TSC2: variants seen among roughly 807,000 people sequenced by gnomAD.
The protein encoded by TSC2 is tuberin.
TSC2 carries 29 observed loss-of-function variants against 202.2 expected under a neutral mutation model. That is an observed-to-expected ratio of 0.14 (90% confidence interval 0.11 to 0.20). TSC2 has a LOEUF of 0.20. TSC2 is among the 10% of genes least tolerant of loss of function. TSC2 has a pLI of 1.00. For synonymous variants in TSC2, 1,349 were observed against 1,044.0 expected, an observed-to-expected ratio of 1.29 and a Z score of -5.63; for missense variants, 2,429 against 2,420.0, an observed-to-expected ratio of 1.00 and a Z score of -0.08.
intron 14 of TSC2, 47 bp downstream of exon 14, chr16:2,063,100 G>A (rs1349007011): frequency 7.8e-6 from 12 of 1,546,378 alleles, no homozygotes; most frequent in African/African-American, 1.4e-5. Context: ...CTATTTCTCC[G>A]TGGGCGGGCT....
chr16:2,073,362 C>G (rs921567787), intron 21 of TSC2, among the ~76,000 whole-genome samples: 37 of 152,358 alleles, frequency 2.4e-4, no homozygotes, highest in African/African-American at 8.4e-4. Context: ...TCCCTCCACG[C>G]CCCATCAGGT....
intron 9 of TSC2, among the ~76,000 whole-genome samples, chr16:2,057,781 G>T (rs1236286862): frequency 6.7e-6 from 1 of 149,682 alleles, no homozygotes; most frequent in African/African-American, 2.5e-5. Context: ...CCTCAGCCCT[G>T]CATCTCTCCC....
At chr16:2,059,095 T>G (rs553100621) in intron 10 of TSC2, among the ~76,000 whole-genome samples, 1 of 151,262 alleles carries the variant, frequency 6.6e-6, no homozygotes, top group African/African-American at 2.4e-5. Context: ...CTTGGCTGAC[T>G]GCAATCTCCG....
Position 2,086,189 on chromosome 16 carries a change from A to G in TSC2, c.4663-4A>G, listed in dbSNP as rs1596437939. On this transcript the variant is annotated splice_polypyrimidine_tract_variant and splice_region_variant and intron_variant, in intron 36 of 41. Transcript: ENST00000219476. ...GCCACCCTGCCTCTCCCCTCTCCCC[A>G]CAGAGCAACAGCGAGCTCGCCATCC... The G allele has an allele frequency of 6.2e-7, 1 of 1,611,754 alleles. No individual in the cohort carries two copies.
chr16:2,059,340 T>C (rs992271513), intron 10 of TSC2, among the ~76,000 whole-genome samples: 106 of 141,334 alleles, frequency 7.5e-4, no homozygotes, highest in East Asian at 2.9e-3. Flanking sequence ...CTCTCTCTCT[T>C]TTTTTTTTTT....
intron 14 of TSC2, 173 bp from the exon 15 acceptor site, chr16:2,064,099 G>A: frequency 9.6e-7 from 1 of 1,044,504 alleles, no homozygotes; most frequent in South Asian, 1.4e-5. Context: ...CCTGGAAGGG[G>A]CCCCGGGGTC....
At chr16:2,084,782 C>T in intron 34 of TSC2, 67 bp downstream of exon 34, 3 of 1,598,502 alleles carry the variant, frequency 1.9e-6, no homozygotes, top group East Asian at 2.2e-5. Context: ...CCTCACTTGC[C>T]CCAGGCCGAG....
chr16:2,055,039 C>T (rs898031505), intron 5 of TSC2: 9 of 389,014 alleles, frequency 2.3e-5, no homozygotes, highest in African/African-American at 8.3e-5. Flanking sequence ...AGTGTGCACA[C>T]GTCTCCTCCG....
rs1439997904 is a variant in TSC2, at chr16:2,056,206, C to T, written c.610C>T (p.Leu204=). Residue 204 remains leucine, a synonymous_variant, in exon 7 of 42, where the codon CTG becomes TTG. Coordinates refer to ENST00000219476, the MANE Select transcript of TSC2 (RefSeq NM_000548.5). ...YIARMVQMIC[L]LCVRTASSVD... ...CGGTGCTCCCTGCAGGATGATCTGTCTGCTGTGCGTCCGGACCGCGTCCTC... is the reference window on the plus strand; with the variant it reads ...CGGTGCTCCCTGCAGGATGATCTGTTTGCTGTGCGTCCGGACCGCGTCCTC... 6.2e-7 allele frequency: 1 copy of T among 1,614,036 alleles called. No individual in the cohort carries two copies. Among genetic ancestry groups the T allele is most frequent in the Non-Finnish European group, 8.5e-7 (1 of 1,180,050 alleles).
In TSC2 at chr16:2,060,112, T is replaced by C. The variant is rs189781361; in HGVS notation, c.976-558T>C. 6.6e-5 allele frequency among the ~76,000 whole-genome samples: 10 copies of C among 152,330 alleles called. No individual in the cohort carries two copies. In the East Asian group the frequency reaches 1.5e-3, roughly 24 times the overall value. On this transcript the variant is annotated intron_variant, in intron 10 of 41. Transcript: ENST00000219476. ...TGCTGGTCTTGTCCTGTCTCTGCAA[T>C]GACGCCGTGGCACAGACGCTGGTGG...
rs2151077351 is a variant in TSC2 at position 2,056,642 on chromosome 16, A to T, written c.649-2A>T. 1 of 1,610,146 alleles carries T rather than the reference A, an allele frequency of 6.2e-7. No individual in the cohort carries two copies. The highest frequency in any genetic ancestry group is 8.5e-7 in the Non-Finnish European group (1 of 1,179,968). ...GGCGTGAGCCGTCTCCCTCTCCACCAGGTCTCCCTGCAGGTGCTGGACGCC... is the reference window on the plus strand; with the variant it reads ...GGCGTGAGCCGTCTCCCTCTCCACCTGGTCTCCCTGCAGGTGCTGGACGCC... On this transcript the variant is annotated splice_acceptor_variant, in intron 7 of 41. Transcript: ENST00000219476. LOFTEE classifies it high-confidence loss of function.
chr16:2,075,972 G>C (rs2089291450), intron 23 of TSC2, 80 bp downstream of exon 23: 1 of 1,612,126 alleles, frequency 6.2e-7, no homozygotes, highest in Admixed American at 1.7e-5. Flanking sequence ...GGCAGCCTTT[G>C]TCCCCAAGGC....
rs944885914 is a variant in TSC2 at position 2,079,857 on chromosome 16, G to A, written c.3397+188G>A. ...GCCGTGGAGTGGTGGAGTGTGGCCC[G>A]CTTGCTGCAGAGGGGCCTGCTCTGG... On this transcript the variant is annotated intron_variant, in intron 29 of 41. Coordinates refer to ENST00000219476, the MANE Select transcript of TSC2 (RefSeq NM_000548.5). This position sits in a 1 kb window ranked among gnomAD's most constrained non-coding sequence, Gnocchi z 4.6. 3.9e-5 allele frequency among the ~76,000 whole-genome samples: 6 copies of A among 152,290 alleles called. No individual in the cohort carries two copies. The highest frequency in any genetic ancestry group is 3.9e-4 in the East Asian group (2 of 5,162).
At chr16:2,062,760 A>G in intron 13 of TSC2, 160 bp downstream of exon 13, 1 of 940,082 alleles carries the variant, frequency 1.1e-6, no homozygotes, top group Non-Finnish European at 1.6e-6. Context: ...CTTGCTTTCC[A>G]GTCCAGCAGG....
At chr16:2,081,866 T>C (rs1445421313) in intron 31 of TSC2, 68 bp downstream of exon 31, 2 of 1,573,984 alleles carry the variant, frequency 1.3e-6, no homozygotes, top group East Asian at 2.3e-5. Context: ...GTGACGGCAA[T>C]GTGGCTCCTC....
Position 2,088,882 on chromosome 16 carries a change from CA to C in TSC2, c.*273del, listed in dbSNP as rs2091278436. ...CAGCACACTCGCGCGTGCGCGCGCG[CA>C]CACACACACACACACAGTCACCTTC... On this transcript the variant is annotated 3_prime_UTR_variant, in exon 42 of 42. Transcript: ENST00000219476. The C allele has an allele frequency of 9.3e-6, 2 of 215,738 alleles. No homozygotes were observed. Among genetic ancestry groups the C allele is most frequent in the Non-Finnish European group, 1.7e-5 (2 of 117,880 alleles). The allele number at this position is 215,738 out of a possible 1,614,324, so 13.4% of individuals were successfully genotyped here. A position where few individuals can be genotyped will look rare whatever the true frequency, so the allele number is the denominator to read the frequency against.
intron 32 of TSC2, chr16:2,083,485 T>G (rs2090384697): frequency 1.2e-6 from 1 of 809,002 alleles, no homozygotes; most frequent in Non-Finnish European, 2.0e-6. Context: ...CCCCGGGCAC[T>G]CATGCAGGAG....
In TSC2 at chr16:2,060,309, C is replaced by G. The variant is rs181944596; in HGVS notation, c.976-361C>G. On this transcript the variant is annotated intron_variant, in intron 10 of 41. Transcript: ENST00000219476. ...TGATCCTCTGCTCTTCCTGCTACCCCCCTCCCCGTAGGGGCGGTGGGGGGA... is the reference window on the plus strand; with the variant it reads ...TGATCCTCTGCTCTTCCTGCTACCCGCCTCCCCGTAGGGGCGGTGGGGGGA... 5.9e-4 allele frequency among the ~76,000 whole-genome samples: 90 copies of G among 152,314 alleles called. 1 individual carries two copies. In the East Asian group the frequency reaches 0.017, roughly 28 times the overall value.
chr16:2,088,667 A>ATT lies in TSC2; in HGVS notation c.*57_*58insTT, dbSNP rs2091233767. 6.4e-7 allele frequency: 1 copy of ATT among 1,554,286 alleles called. No individual in the cohort carries two copies. Among genetic ancestry groups the ATT allele is most frequent in the Non-Finnish European group, 8.6e-7 (1 of 1,156,082 alleles). On this transcript the variant is annotated 3_prime_UTR_variant, in exon 42 of 42. Coordinates refer to ENST00000219476, the MANE Select transcript of TSC2 (RefSeq NM_000548.5). ...GACGGTATTGCCTGTCAGTGAAATA[A>ATT]ATAAAGTCCTGACCCCAGTGCACAG...
Sources: gnomAD v4.1 joint callset for allele counts (sites outside exome capture counted in the v4.1 genomes callset) on GRCh38, gnomAD v4.1.1 for gene constraint, Gnocchi (gnomAD v3.1) non-coding constraint, MANE v1.5 for transcripts, NCBI Gene and HGNC (gene_info 2026-07-23, HGNC 2026-07-21) for gene names.